The following ACMSD variants were observed in gnomAD, a reference collection of about 807,000 sequenced individuals.
The protein encoded by ACMSD is 2-amino-3-carboxymuconate-6-semialdehyde decarboxylase.
Under a neutral mutation model 45.9 loss-of-function variants are expected in ACMSD, and 37 were observed. The observed-to-expected ratio is 0.81, with a 90% CI of 0.62 to 1.06. The LOEUF is 1.06. Among genes scored for constraint, ACMSD ranks in the 50% least tolerant of loss-of-function variants. The pLI is 0.00. For missense variants in ACMSD, 434 were observed against 420.9 expected, an observed-to-expected ratio of 1.03 and a Z score of -0.27; for synonymous variants, 138 against 148.8, an observed-to-expected ratio of 0.93 and a Z score of 0.53.
rs201697496 is a variant in ACMSD, at chr2:134,875,415, G to GAT, written c.849+2776_849+2777dup. Among the ~76,000 whole-genome samples the GAT allele has an allele frequency of 5.5e-3, 832 of 152,228 alleles. 6 individuals are homozygous for GAT. Among genetic ancestry groups the GAT allele is most frequent in the African/African-American group, 0.019 (796 of 41,532 alleles). ...TTAAATAACATCTTAAGAATACACA[G>GAT]ATACATGTCATATATAAAAAACCAA... On this transcript the variant is annotated intron_variant, in intron 8 of 9. Coordinates refer to ENST00000356140, the MANE Select transcript of ACMSD (RefSeq NM_138326.3).
Position 134,840,194 on chromosome 2 carries a change from C to CAAAAAAAA in ACMSD, c.57+1455_57+1456insAAAAAAAA, listed in dbSNP as rs1300580743. 1.2e-4 allele frequency among the ~76,000 whole-genome samples: 8 copies of CAAAAAAAA among 68,740 alleles called. 1 individual carries two copies. Among genetic ancestry groups the CAAAAAAAA allele is most frequent in the Non-Finnish European group, 5.3e-5 (2 of 37,442 alleles). 45.1% of individuals were successfully genotyped at this position (68,740 alleles called of 152,430 possible). A position where few individuals can be genotyped will look rare whatever the true frequency, so the allele number is the denominator to read the frequency against. ...AAAAAAAAAAAAAAAAAAAAAAAAA[C>CAAAAAAAA]CACTAATTCCTCTGTTACAGCTTTT... On this transcript the variant is annotated intron_variant, in intron 1 of 9. Coordinates refer to ENST00000356140, the MANE Select transcript of ACMSD (RefSeq NM_138326.3).
At chr2:134,873,026 C>T (rs1688539711) in intron 8 of ACMSD, 1 of 206,030 alleles carries the variant, frequency 4.9e-6, no homozygotes, top group Non-Finnish European at 1.0e-5. Context: ...AATCCTGGCT[C>T]TACCTTTCAC....
intron 8 of ACMSD, among the ~76,000 whole-genome samples, chr2:134,879,416 T>C (rs1365583845): frequency 1.3e-5 from 2 of 152,198 alleles, no homozygotes; most frequent in Non-Finnish European, 2.9e-5. Context: ...ACTAATCAGT[T>C]CCAAAGCCAC....
At chr2:134,854,037 G>A (rs1016891669) in intron 2 of ACMSD, among the ~76,000 whole-genome samples, 2 of 152,192 alleles carry the variant, frequency 1.3e-5, no homozygotes, top group Non-Finnish European at 2.9e-5. Context: ...TATGGCCTTG[G>A]ACAAGTCACT....
intron 8 of ACMSD, among the ~76,000 whole-genome samples, chr2:134,882,317 G>A (rs980314526): frequency 1.3e-5 from 2 of 152,148 alleles, no homozygotes; most frequent in African/African-American, 2.4e-5. Flanking sequence ...TGTGGTAAGC[G>A]AGAGAGTTCA....
intron 1 of ACMSD, among the ~76,000 whole-genome samples, chr2:134,841,314 T>C (rs1220277733): frequency 6.6e-6 from 1 of 152,012 alleles, no homozygotes; most frequent in African/African-American, 2.4e-5. Context: ...ACCACACCCA[T>C]CTTGAGAAAA....
Position 134,840,167 on chromosome 2 carries a change from C to CAAAA in ACMSD, c.57+1451_57+1454dup, listed in dbSNP as rs1158518481. On this transcript the variant is annotated intron_variant, in intron 1 of 9. Transcript: ENST00000356140. ...TAAAATAGCCATAAACTATACCTAG[C>CAAAA]AAAAAAAAAAAAAAAAAAAAAAAAA... Among the ~76,000 whole-genome samples the CAAAA allele has an allele frequency of 2.1e-3, 50 of 23,438 alleles. 2 individuals carry two copies. Among genetic ancestry groups the CAAAA allele is most frequent in the East Asian group, 5.2e-3 (4 of 762 alleles). 15.4% of individuals were successfully genotyped at this position (23,438 alleles called of 152,430 possible).
chr2:134,881,649 C>G (rs1401201976), intron 8 of ACMSD, among the ~76,000 whole-genome samples: 1 of 152,174 alleles, frequency 6.6e-6, no homozygotes, highest in Non-Finnish European at 1.5e-5. Flanking sequence ...ATACCCACAG[C>G]TATTGTAGGC....
At position 134,845,043 on chromosome 2, in the gene ACMSD, GTATAAA is replaced by G. The variant is rs547657296; in HGVS notation, c.58-185_58-180del. On this transcript the variant is annotated intron_variant, in intron 1 of 9. Coordinates refer to ENST00000356140, the MANE Select transcript of ACMSD (RefSeq NM_138326.3). ...GCTGAGATAACAGTATTTTCTTCTT[GTATAAA>G]TATATTGAAGGAAAAATGTAAGTGA... Among the ~76,000 whole-genome samples, 12 of 152,324 alleles carry G rather than the reference GTATAAA, an allele frequency of 7.9e-5. No homozygotes were observed. In the South Asian group the frequency reaches 2.5e-3, roughly 32 times the overall value.
At chr2:134,840,194 C>CAAAAAAAAAA (rs1300580743) in intron 1 of ACMSD, among the ~76,000 whole-genome samples, 4 of 68,766 alleles carry the variant, frequency 5.8e-5, no homozygotes, top group Non-Finnish European at 8.0e-5. Flanking sequence ...AAAAAAAAAA[C>CAAAAAAAAAA]CACTAATTCC....
chr2:134,874,611 T>A (rs1189729104), intron 8 of ACMSD, among the ~76,000 whole-genome samples: 2 of 152,074 alleles, frequency 1.3e-5, no homozygotes, highest in Non-Finnish European at 2.9e-5. Flanking sequence ...GAAACAATTA[T>A]TGCCAGACAT....
Position 134,898,441 on chromosome 2 carries a change from T to TA in ACMSD, c.948+3dup. 3 of 1,575,310 alleles carry TA rather than the reference T, an allele frequency of 1.9e-6. No individual in the cohort carries two copies. The highest frequency in any genetic ancestry group is 1.7e-6 in the Non-Finnish European group (2 of 1,163,752). ...GAAGAATTTGATGAAGAAACAAAGGTATAATGTCTTTTACTTCACGGCTTT... is the reference window on the plus strand; with the variant it reads ...GAAGAATTTGATGAAGAAACAAAGGTAATAATGTCTTTTACTTCACGGCTTT... On this transcript the variant is annotated splice_region_variant and intron_variant, in intron 9 of 9. Coordinates refer to ENST00000356140, the MANE Select transcript of ACMSD (RefSeq NM_138326.3).
At chr2:134,875,460 C>A (rs1448915530) in intron 8 of ACMSD, among the ~76,000 whole-genome samples, 1 of 152,178 alleles carries the variant, frequency 6.6e-6, no homozygotes, top group African/African-American at 2.4e-5. Flanking sequence ...TGAGCACCTG[C>A]TATTTCTAAA....
At chr2:134,900,063 C>G (rs1334692087) in intron 9 of ACMSD, among the ~76,000 whole-genome samples, 2 of 151,966 alleles carry the variant, frequency 1.3e-5, no homozygotes, top group East Asian at 1.9e-4. Context: ...AATTTTGAAC[C>G]ATGCGAAGGT....
At chr2:134,863,769 TAGA>T (rs888894725) in intron 5 of ACMSD, 138 bp downstream of exon 5, 12 of 860,342 alleles carry the variant, frequency 1.4e-5, no homozygotes, top group Middle Eastern at 3.4e-4. Flanking sequence ...TTGATGTAGG[TAGA>T]AGGTGTGGAA....
At chr2:134,887,724 C>G (rs1689542607) in intron 8 of ACMSD, among the ~76,000 whole-genome samples, 1 of 152,100 alleles carries the variant, frequency 6.6e-6, no homozygotes, top group Admixed American at 6.5e-5. Context: ...CATCCTTATA[C>G]GGTCAATTAA....
intron 8 of ACMSD, among the ~76,000 whole-genome samples, chr2:134,886,871 G>A (rs1689490196): frequency 6.6e-6 from 1 of 152,096 alleles, no homozygotes; most frequent in Non-Finnish European, 1.5e-5. Context: ...GCAGTTACTG[G>A]AACTAATAAG....
chr2:134,853,538 G>A (rs1687444496), intron 2 of ACMSD, among the ~76,000 whole-genome samples: 1 of 152,074 alleles, frequency 6.6e-6, no homozygotes, highest in Admixed American at 6.5e-5. Context: ...TTAAGATCTT[G>A]GTTAATGCTG....
chr2:134,883,196 C>A (rs1689140407), intron 8 of ACMSD, among the ~76,000 whole-genome samples: 1 of 151,880 alleles, frequency 6.6e-6, no homozygotes, highest in Non-Finnish European at 1.5e-5. Flanking sequence ...GCTACATTAG[C>A]ACAGATATCT....
Sources: allele counts gnomAD v4.1 joint callset (sites outside exome capture counted in the v4.1 genomes callset), GRCh38; gene constraint gnomAD v4.1.1; transcripts MANE v1.5; gene names NCBI Gene and HGNC (gene_info 2026-07-23, HGNC 2026-07-21).